Variants in TGM3 observed in about 807,000 individuals in gnomAD.
TGM3 encodes transglutaminase 3.
A neutral mutation model predicts 73.8 loss-of-function variants in TGM3; 52 were observed. The ratio of observed to expected loss-of-function variants is 0.70; its 90% confidence interval spans 0.56 to 0.89. The LOEUF (loss-of-function observed/expected upper bound fraction) is 0.89. TGM3 is among the 40% of genes least tolerant of loss of function. The pLI, the probability that TGM3 is intolerant of heterozygous loss-of-function variation, is 0.00. For missense variants in TGM3, 928 were observed against 909.9 expected (o/e 1.02, Z -0.26); for synonymous variants, 372 against 354.9 (o/e 1.05, Z -0.54).
chr20:2,327,480 A>C lies in TGM3; in HGVS notation c.1088-640A>C, dbSNP rs191094801. Among the ~76,000 whole-genome samples, 265 of 152,336 alleles carry C rather than the reference A, an allele frequency of 1.7e-3. 1 individual carries two copies. Among genetic ancestry groups the C allele is most frequent in the African/African-American group, 5.6e-3 (233 of 41,568 alleles). On this transcript the variant is annotated intron_variant, in intron 8 of 12. Coordinates refer to ENST00000381458, the MANE Select transcript of TGM3 (RefSeq NM_003245.4). ...CGACAGAGCACGACTGCATCTCAAA[A>C]AAACAAACAAACAAACAAAAAAGAT...
Position 2,340,485 on chromosome 20 carries a change from G to T in TGM3, c.1986G>T (p.Leu662=), listed in dbSNP as rs1357785744. 6 of 1,614,036 alleles carry T rather than the reference G, an allele frequency of 3.7e-6. No homozygotes were observed. The highest frequency in any genetic ancestry group is 5.1e-6 in the Non-Finnish European group (6 of 1,180,034). ...KEGSRVRFDI[L]PSRSGTKQLL... Reference sequence around the variant, plus strand: ...GGTCCCGGGTCCGTTTTGATATCCTGCCCTCCCGGAGTGGCACCAAGCAAC... The same window carrying T: ...GGTCCCGGGTCCGTTTTGATATCCTTCCCTCCCGGAGTGGCACCAAGCAAC... Residue 662 remains leucine (L), a synonymous_variant, in exon 13 of 13, where the codon CTG becomes CTT. Coordinates refer to ENST00000381458, the MANE Select transcript of TGM3 (RefSeq NM_003245.4).
chr20:2,337,474 T>C (rs1354048607), intron 11 of TGM3, among the ~76,000 whole-genome samples: 2 of 152,134 alleles, frequency 1.3e-5, no homozygotes, highest in African/African-American at 4.8e-5. Context: ...ATCCCAGCAC[T>C]TTGGGAAGCC....
At chr20:2,307,961 C>T (rs1052112390) in intron 1 of TGM3, among the ~76,000 whole-genome samples, 1 of 152,136 alleles carries the variant, frequency 6.6e-6, no homozygotes, top group African/African-American at 2.4e-5. Context: ...GTGGCTCATG[C>T]CTGTAATCCC....
At chr20:2,300,329 T>C (rs1349010054) in intron 1 of TGM3, among the ~76,000 whole-genome samples, 2 of 152,150 alleles carry the variant, frequency 1.3e-5, no homozygotes, top group Non-Finnish European at 2.9e-5. Context: ...TAATTGAATT[T>C]GCCTGGGATG....
intron 5 of TGM3, among the ~76,000 whole-genome samples, chr20:2,314,375 T>C (rs2084222466): frequency 6.6e-6 from 1 of 151,994 alleles, no homozygotes; most frequent in Admixed American, 6.6e-5. Context: ...TAGATCAACC[T>C]GCTCAAAAGT....
intron 5 of TGM3, among the ~76,000 whole-genome samples, chr20:2,313,454 A>G (rs911869432): frequency 1.3e-5 from 2 of 152,120 alleles, no homozygotes; most frequent in African/African-American, 2.4e-5. Flanking sequence ...CATCTCTTCC[A>G]CAGCCCAGAG....
chr20:2,319,630 T>A (rs567011509), intron 7 of TGM3, among the ~76,000 whole-genome samples: 7 of 152,300 alleles, frequency 4.6e-5, no homozygotes, highest in African/African-American at 1.7e-4. Context: ...TCTGTGGTCA[T>A]TTCTGTGGCC....
At chr20:2,302,807 A>T (rs2084156470) in intron 1 of TGM3, among the ~76,000 whole-genome samples, 1 of 152,122 alleles carries the variant, frequency 6.6e-6, no homozygotes, top group Non-Finnish European at 1.5e-5. Flanking sequence ...AAATGTAGGG[A>T]CAACCCAGAT....
chr20:2,328,584 G>A lies in TGM3; in HGVS notation c.1333+219G>A, dbSNP rs1253083829. Reference sequence around the variant, plus strand: ...GCTGTTGTGCCAGTGGAAGTTTGCTGCAGGGCACAGGTGGCTGTCAACCCA... The same window carrying A: ...GCTGTTGTGCCAGTGGAAGTTTGCTACAGGGCACAGGTGGCTGTCAACCCA... On this transcript the variant is annotated intron_variant, in intron 9 of 12. Transcript: ENST00000381458. This position sits in a 1 kb window ranked among gnomAD's most constrained non-coding sequence, Gnocchi z 5.2. 6.6e-6 allele frequency among the ~76,000 whole-genome samples: 1 copy of A among 152,228 alleles called. No individual in the cohort carries two copies. The highest frequency in any genetic ancestry group is 6.5e-5 in the Admixed American group (1 of 15,290).
chr20:2,296,020 G>A lies in TGM3; in HGVS notation c.-44G>A, dbSNP rs915741183. 7.1e-6 allele frequency: 11 copies of A among 1,551,144 alleles called. No homozygotes were observed. In the Admixed American group the frequency reaches 1.4e-4, roughly 19 times the overall value. ...CAGCCTGTCTGTCAGCACTGTCCGTGCCATTCCCAGAGGAGCCTGAGAAGA... is the reference window on the plus strand; with the variant it reads ...CAGCCTGTCTGTCAGCACTGTCCGTACCATTCCCAGAGGAGCCTGAGAAGA... On this transcript the variant is annotated 5_prime_UTR_variant, in exon 1 of 13. Transcript: ENST00000381458.
intron 7 of TGM3, among the ~76,000 whole-genome samples, chr20:2,321,965 G>C (rs1465460876): frequency 6.6e-6 from 1 of 151,070 alleles, no homozygotes; most frequent in Non-Finnish European, 1.5e-5. Flanking sequence ...TTTTTAACCA[G>C]CCTGCCCTTC....
rs749501993 is a variant in TGM3 at position 2,325,934 on chromosome 20, C to T, written c.1069C>T (p.Pro357Ser). ...YGGWQVLDAT[P>S]QERSQGVFQC... ...TGGATGGCAGGTGTTGGATGCTACC[C>T]CGCAGGAAAGAAGCCAAGGTAACTT... Residue 357 changes from proline to serine, a missense_variant, in exon 8 of 13, where the codon CCG becomes TCG. Coordinates refer to ENST00000381458, the MANE Select transcript of TGM3 (RefSeq NM_003245.4). The T allele has an allele frequency of 1.3e-6, 2 of 1,594,362 alleles. No homozygotes were observed. Among genetic ancestry groups the T allele is most frequent in the South Asian group, 1.1e-5 (1 of 87,978 alleles).
At chr20:2,335,463 G>A (rs2084344831) in intron 11 of TGM3, among the ~76,000 whole-genome samples, 190 bp downstream of exon 11, 1 of 152,210 alleles carries the variant, frequency 6.6e-6, no homozygotes, top group Non-Finnish European at 1.5e-5. Context: ...TCCCACTCAG[G>A]CCCGTGTTCC....
chr20:2,326,089 T>C (rs1160971418), intron 8 of TGM3, 137 bp downstream of exon 8: 1 of 863,838 alleles, frequency 1.2e-6, no homozygotes, highest in African/African-American at 1.7e-5. Flanking sequence ...AGTTTAAAAA[T>C]AGATCTCCCC....
chr20:2,331,913 T>A, intron 9 of TGM3, 89 bp from the exon 10 acceptor site: 1 of 1,470,224 alleles, frequency 6.8e-7, no homozygotes, highest in Non-Finnish European at 9.2e-7. Context: ...CCAGCACCAG[T>A]CCTAGGCCGC....
At chr20:2,338,078 G>A (rs1045425077) in intron 11 of TGM3, among the ~76,000 whole-genome samples, 7 of 151,236 alleles carry the variant, frequency 4.6e-5, no homozygotes, top group African/African-American at 1.2e-4. Context: ...GCAGGGCACC[G>A]ATTTTTAAAC....
Position 2,309,685 on chromosome 20 carries a change from G to A in TGM3, c.36G>A (p.Gln12=), listed in dbSNP as rs747215690. 1.3e-5 allele frequency: 21 copies of A among 1,614,024 alleles called. No individual in the cohort carries two copies. In the South Asian group the frequency reaches 2.0e-4, roughly 15 times the overall value. ...AALGVQSINW[Q]TAFNRQAHHT... ...TAGGAGTCCAGAGTATCAACTGGCA[G>A]ACGGCCTTCAACCGACAAGCGCATC... is the stretch of plus-strand genomic sequence containing the variant. The change falls in exon 2 of 13, where the codon CAG becomes CAA. Residue 12 remains glutamine (Q), a synonymous_variant. Coordinates refer to ENST00000381458, the MANE Select transcript of TGM3 (RefSeq NM_003245.4).
At chr20:2,315,303 G>A (rs757926701) in intron 5 of TGM3, among the ~76,000 whole-genome samples, 3 of 152,216 alleles carry the variant, frequency 2.0e-5, no homozygotes, top group Admixed American at 1.3e-4. Flanking sequence ...TGGCCTGTGC[G>A]GAGCTTTGAA....
rs1189843891 is a variant in TGM3, at chr20:2,317,222, T to A, written c.824T>A (p.Val275Asp). The change falls in exon 6 of 13, where the codon GTC becomes GAC. Residue 275 changes from valine to aspartate, a missense_variant. Coordinates refer to ENST00000381458, the MANE Select transcript of TGM3 (RefSeq NM_003245.4). Reference sequence around the variant, plus strand: ...CCAGTCCGATATGGCCAGTGCTGGGTCTTTGCTGGGACCCTCAACACAGGT... The same window carrying A: ...CCAGTCCGATATGGCCAGTGCTGGGACTTTGCTGGGACCCTCAACACAGGT... The part of the protein sequence containing the change: ...FSPVRYGQCW[V>D]FAGTLNTALR... 2 of 1,614,012 alleles carry A rather than the reference T, an allele frequency of 1.2e-6. No individual in the cohort carries two copies. Among genetic ancestry groups the A allele is most frequent in the Non-Finnish European group, 1.7e-6 (2 of 1,180,012 alleles).
Sources: gnomAD v4.1 joint callset for allele counts (sites outside exome capture counted in the v4.1 genomes callset) on GRCh38, gnomAD v4.1.1 for gene constraint, Gnocchi (gnomAD v3.1) non-coding constraint, MANE v1.5 for transcripts, NCBI Gene and HGNC (gene_info 2026-07-23, HGNC 2026-07-21) for gene names.